Variants in SIPA1L1 observed in about 807,000 individuals in gnomAD.
SIPA1L1 encodes the protein signal induced proliferation associated 1 like 1, also known as signal-induced proliferation-associated 1-like protein 1.
A neutral mutation model predicts 162.7 loss-of-function variants in SIPA1L1; 26 were observed. The ratio of observed to expected loss-of-function variants is 0.16; its 90% CI spans 0.12 to 0.22. The LOEUF (loss-of-function observed/expected upper bound fraction) is 0.22, where lower values mean the gene tolerates loss of function less well. Ranked by LOEUF, SIPA1L1 falls within the 10% of genes least tolerant of loss-of-function variation. SIPA1L1 has a pLI of 1.00. For synonymous variants in SIPA1L1, 829 were observed against 837.4 expected, an observed-to-expected ratio of 0.99 and a Z score of 0.17; for missense variants, 1,874 against 2,241.0, an observed-to-expected ratio of 0.84 and a Z score of 3.31.
intron 2 of SIPA1L1, among the ~76,000 whole-genome samples, chr14:71,474,170 A>G (rs1365048534): frequency 6.6e-6 from 1 of 152,254 alleles, no homozygotes; most frequent in African/African-American, 2.4e-5. Context: ...GGTTGAAGGT[A>G]ACGTAGATAA....
intron 2 of SIPA1L1, among the ~76,000 whole-genome samples, chr14:71,413,424 G>T (rs1379930427): frequency 6.6e-6 from 1 of 152,210 alleles, no homozygotes; most frequent in Non-Finnish European, 1.5e-5. Context: ...ATGGCTGTTG[G>T]TTGGCTTAAA....
chr14:71,591,000 C>G (rs2035311716), intron 5 of SIPA1L1, among the ~76,000 whole-genome samples: 1 of 152,096 alleles, frequency 6.6e-6, no homozygotes, highest in Non-Finnish European at 1.5e-5. Context: ...AGCTGAGAAC[C>G]CCTGCTTTAC....
chr14:71,580,558 T>C (rs2033780662), intron 4 of SIPA1L1, among the ~76,000 whole-genome samples: 1 of 152,220 alleles, frequency 6.6e-6, no homozygotes, highest in African/African-American at 2.4e-5. Flanking sequence ...ATTATTCAAA[T>C]CCTATAAATA....
At chr14:71,346,248 T>C (rs1415375548) in intron 2 of SIPA1L1, among the ~76,000 whole-genome samples, 1 of 152,206 alleles carries the variant, frequency 6.6e-6, no homozygotes, top group Non-Finnish European at 1.5e-5. Flanking sequence ...CAAGGTAGTT[T>C]ATAAATGGTG....
At chr14:71,558,325 A>G (rs1384498700) in intron 4 of SIPA1L1, among the ~76,000 whole-genome samples, 6 of 152,270 alleles carry the variant, frequency 3.9e-5, no homozygotes, top group African/African-American at 1.2e-4. Flanking sequence ...TCTCATGACT[A>G]TATAGAGAGC....
At chr14:71,438,354 A>G (rs941318248) in intron 2 of SIPA1L1, among the ~76,000 whole-genome samples, 10 of 152,228 alleles carry the variant, frequency 6.6e-5, no homozygotes, top group African/African-American at 2.4e-4. Flanking sequence ...TGGGGACAGA[A>G]GTACTCTCAA....
chr14:71,537,237 G>C (rs758863105), intron 4 of SIPA1L1, among the ~76,000 whole-genome samples: 4 of 152,114 alleles, frequency 2.6e-5, no homozygotes, highest in Admixed American at 6.5e-5. Context: ...ACAGAGTCTA[G>C]CTCTGTTGCC....
intron 5 of SIPA1L1, among the ~76,000 whole-genome samples, chr14:71,606,277 T>A (rs1370358071): frequency 6.6e-6 from 1 of 152,144 alleles, no homozygotes; most frequent in Non-Finnish European, 1.5e-5. Context: ...CCGTGAAGTC[T>A]GTCTGGGCAT....
intron 2 of SIPA1L1, among the ~76,000 whole-genome samples, chr14:71,495,639 GCT>G (rs2049689417): frequency 6.6e-6 from 1 of 151,202 alleles, no homozygotes. Context: ...ATTGGGTTTT[GCT>G]CTAAACTTTA....
In SIPA1L1 at chr14:71,685,769, T is replaced by C. The variant is rs940229897; in HGVS notation, c.3374+138T>C. 3.6e-6 allele frequency: 4 copies of C among 1,115,260 alleles called. No homozygotes were observed. The African/African-American group carries it at 6.3e-5, about 18-fold the overall frequency. The allele number at this position is 1,115,260 out of a possible 1,614,324, so 69.1% of individuals were successfully genotyped here. On this transcript the variant is annotated intron_variant, in intron 13 of 23. Coordinates refer to ENST00000381232, the MANE Select transcript of SIPA1L1 (RefSeq NM_001386936.1). ...AAACTGAGGTGCATACCGTAGTGAC[T>C]TTCAAAGCATGGTAGTGTTCCAAAG...
At chr14:71,530,434 T>C (rs1338061316) in intron 4 of SIPA1L1, among the ~76,000 whole-genome samples, 2 of 152,074 alleles carry the variant, frequency 1.3e-5, no homozygotes, top group Admixed American at 1.3e-4. Flanking sequence ...CTCATCCCTT[T>C]GCATAGGTAG....
intron 2 of SIPA1L1, among the ~76,000 whole-genome samples, chr14:71,491,761 A>ACACACACACACACAC (rs2049277691): frequency 1.0e-5 from 1 of 97,878 alleles, no homozygotes; most frequent in Non-Finnish European, 2.0e-5. Flanking sequence ...TTTTATTTCA[A>ACACACACACACACAC]ACACACACAC....
At chr14:71,502,249 AAAAAAAATAT>A (rs758313789) in intron 2 of SIPA1L1, among the ~76,000 whole-genome samples, 2,973 of 67,032 alleles carry the variant, frequency 0.044, 46 homozygotes, top group Middle Eastern at 0.091. Context: ...CTTGAAAAAA[AAAAAAAATAT>A]ATATATATAT....
At chr14:71,438,208 A>T (rs139518361) in intron 2 of SIPA1L1, among the ~76,000 whole-genome samples, 1 of 152,330 alleles carries the variant, frequency 6.6e-6, no homozygotes, top group East Asian at 1.9e-4. Flanking sequence ...AGAATCAGCT[A>T]GGTATGCTTT....
chr14:71,685,196 G>A (rs573003576), intron 12 of SIPA1L1, among the ~76,000 whole-genome samples, 166 bp from the exon 13 acceptor site: 3 of 152,282 alleles, frequency 2.0e-5, no homozygotes, highest in Admixed American at 1.3e-4. Context: ...TTGGGTTCTG[G>A]TTTTTGAAAA....
At chr14:71,585,390 A>C (rs1280721159) in intron 4 of SIPA1L1, among the ~76,000 whole-genome samples, 1 of 152,108 alleles carries the variant, frequency 6.6e-6, no homozygotes, top group Non-Finnish European at 1.5e-5. Context: ...ATTTCTTTTG[A>C]ATTGGTAAGA....
chr14:71,453,996 CAAAAAAAAAAAAAAAA>C lies in SIPA1L1; in HGVS notation c.-464-58733_-464-58718del, dbSNP rs751420064. ...CCTGGGTGACAGGGCGAGATTGTTT[CAAAAAAAAAAAAAAAA>C]AAAAAAAAAAAAAGGAAAAAAGAAA... is the stretch of plus-strand genomic sequence containing the variant. On this transcript the variant is annotated intron_variant, in intron 2 of 23. Coordinates refer to ENST00000381232, the MANE Select transcript of SIPA1L1 (RefSeq NM_001386936.1). Among the ~76,000 whole-genome samples the C allele has an allele frequency of 2.5e-4, 19 of 76,556 alleles. 1 individual carries two copies. The highest frequency in any genetic ancestry group is 1.0e-3 in the East Asian group (2 of 1,938). The allele number at this position is 76,556 out of a possible 152,430, so 50.2% of individuals were successfully genotyped here.
chr14:71,502,314 G>A (rs2050322995), intron 2 of SIPA1L1, among the ~76,000 whole-genome samples: 1 of 147,596 alleles, frequency 6.8e-6, no homozygotes, highest in Non-Finnish European at 1.5e-5. Flanking sequence ...CCAGGCTGGA[G>A]TGTAACCTCC....
intron 2 of SIPA1L1, among the ~76,000 whole-genome samples, chr14:71,493,551 C>T (rs1219115404): frequency 1.3e-5 from 2 of 152,132 alleles, no homozygotes; most frequent in Admixed American, 1.3e-4. Flanking sequence ...TTATGTTTCT[C>T]CAAGGACATA....
Sources: gnomAD v4.1 joint callset for allele counts (sites outside exome capture counted in the v4.1 genomes callset) on GRCh38, gnomAD v4.1.1 for gene constraint, MANE v1.5 for transcripts, NCBI Gene and HGNC (gene_info 2026-07-23, HGNC 2026-07-21) for gene names.